GIPR: variants seen among roughly 807,000 people sequenced by gnomAD.
GIPR encodes gastric inhibitory polypeptide receptor.
GIPR carries 74 observed loss-of-function variants against 62.2 expected under a neutral mutation model. The ratio of observed to expected loss-of-function variants is 1.19; its 90% CI spans 0.99 to 1.44. The LOEUF (loss-of-function observed/expected upper bound fraction) is 1.44, where lower values mean the gene tolerates loss of function less well. GIPR is among the 40% of genes most tolerant of loss of function. The pLI is 0.00. For synonymous variants in GIPR, 256 were observed against 262.2 expected (o/e 0.98, Z 0.23); for missense variants, 664 against 611.8 (o/e 1.09, Z -0.90).
chr19:45,681,841 G>T lies in GIPR; in HGVS notation c.1307G>T (p.Gly436Val). 1 of 1,554,040 alleles carries T rather than the reference G, an allele frequency of 6.4e-7. No homozygotes were observed. Among genetic ancestry groups the T allele is most frequent in the Non-Finnish European group, 8.7e-7 (1 of 1,148,492 alleles). Residue 436 changes from glycine (G) to valine (V), a missense_variant, in exon 14 of 14, where the codon GGC becomes GTC. Gly to Val is a moderately radical substitution (Grantham distance 109). Coordinates refer to ENST00000590918, the MANE Select transcript of GIPR (RefSeq NM_000164.4). ...TTCCGGGCCCTGCCCTCCGGCTCCG[G>T]CCCGGGCGAGGTCCCCACCAGCCGC... ...RAFRALPSGS[G>V]PGEVPTSRGL... is the part of the protein sequence containing the mutation.
Position 45,682,163 on chromosome 19 carries a change from T to C in GIPR, c.*228T>C, listed in dbSNP as rs1289009212. The C allele has an allele frequency of 1.4e-5, 8 of 559,166 alleles. No individual in the cohort carries two copies. The highest frequency in any genetic ancestry group is 1.6e-5 in the Non-Finnish European group (5 of 317,198). 34.6% of individuals were successfully genotyped at this position (559,166 alleles called of 1,614,324 possible). ...AGGGAAGCGAGAAGGGGGCCTAGGG[T>C]GGTCTGGGAGGCGTCTCCAAGGAGG... On this transcript the variant is annotated 3_prime_UTR_variant, in exon 14 of 14. Transcript: ENST00000590918.
chr19:45,672,133 C>T (rs114454784), intron 4 of GIPR, among the ~76,000 whole-genome samples: 3,395 of 151,918 alleles, frequency 0.022, 144 homozygotes, highest in African/African-American at 0.077. Context: ...CCGCCTCAGC[C>T]TCCCAAATAG....
intron 12 of GIPR, 56 bp from the exon 13 acceptor site, chr19:45,681,548 G>A (rs893225989): frequency 6.8e-7 from 1 of 1,461,266 alleles, no homozygotes; most frequent in Non-Finnish European, 9.6e-7. Context: ...GAGGCGCGGA[G>A]GCGGTTACAG....
rs1485227276 is a variant in GIPR at position 45,678,505 on chromosome 19, A to C, written c.1152+279A>C. The C allele has an allele frequency of 6.0e-6, 3 of 498,238 alleles. No individual in the cohort carries two copies. In the East Asian group the frequency reaches 1.1e-4, roughly 19 times the overall value. 30.9% of individuals were successfully genotyped at this position (498,238 alleles called of 1,614,324 possible). On this transcript the variant is annotated intron_variant, in intron 12 of 13. Coordinates refer to ENST00000590918, the MANE Select transcript of GIPR (RefSeq NM_000164.4). ...CAGCCTCTAGAGTAGCTGGGATTAC[A>C]GGAATGTGCGACAACACCTGGCTAA...
In GIPR at chr19:45,669,390, G is replaced by T. The variant is rs1975418823; in HGVS notation, c.-44-87G>T. 9 of 1,317,478 alleles carry T rather than the reference G, an allele frequency of 6.8e-6. No individual in the cohort carries two copies. In the South Asian group the frequency reaches 1.0e-4, roughly 15 times the overall value. The allele number at this position is 1,317,478 out of a possible 1,614,324, so 81.6% of individuals were successfully genotyped here. On this transcript the variant is annotated intron_variant, in intron 1 of 13. Transcript: ENST00000590918. ...CGTGTATACGGCTCCCCAGCCGTCT[G>T]CCCCTGTGTGTGAATCCCTGAGGCG...
In GIPR at chr19:45,677,743, G is replaced by T. The variant is rs1967026576; in HGVS notation, c.888G>T (p.Trp296Cys). ...CWERNEVKAI[W>C]WIIRTPILMT... ...AGCGCAACGAAGTCAAGGCCATTTG[G>T]TGGATTATACGGACCCCCATCCTCA... Residue 296 changes from tryptophan (W) to cysteine (C), a missense_variant, in exon 10 of 14, where the codon TGG (tryptophan) becomes TGT (cysteine). Trp to Cys is a radical substitution (Grantham distance 215, BLOSUM62 -2). Coordinates refer to ENST00000590918, the MANE Select transcript of GIPR (RefSeq NM_000164.4). 6.2e-7 allele frequency: 1 copy of T among 1,613,742 alleles called. No individual in the cohort carries two copies.
Position 45,677,021 on chromosome 19 carries a change from G to T in GIPR, c.706G>T (p.Val236Leu). 2.5e-6 allele frequency: 4 copies of T among 1,614,108 alleles called. No individual in the cohort carries two copies. The highest frequency in any genetic ancestry group is 3.4e-6 in the Non-Finnish European group (4 of 1,179,978). The change falls in exon 8 of 14, where the codon GTG becomes TTG. Residue 236 changes from valine (V) to leucine (L), a missense_variant. Val to Leu is a conservative substitution (Grantham distance 32). Transcript: ENST00000590918. ...CVGANYTWLL[V>L]EGVYLHSLLV... ...GGGTGCCAACTACACGTGGCTGCTG[G>T]TGGAGGGCGTCTACCTGCACAGTCT...
chr19:45,677,117 C>T lies in GIPR; in HGVS notation c.793+9C>T, dbSNP rs1469513659. ...CCTGCTCCTCGGCTGGGGTGAGCTC[C>T]GATCCCGTCCCCCGCCCAACCCAGC... On this transcript the variant is annotated intron_variant, in intron 8 of 13. Transcript: ENST00000590918. The T allele has an allele frequency of 6.2e-7, 1 of 1,612,526 alleles. No homozygotes were observed. Among genetic ancestry groups the T allele is most frequent in the East Asian group, 2.2e-5 (1 of 44,872 alleles).
At chr19:45,670,861 T>G in intron 3 of GIPR, 127 bp downstream of exon 3, 1 of 635,532 alleles carries the variant, frequency 1.6e-6, no homozygotes. Flanking sequence ...GCCCGGGGAC[T>G]GACCTGAGCA....
chr19:45,678,717 G>A (rs1005636483), intron 12 of GIPR, among the ~76,000 whole-genome samples: 1 of 152,238 alleles, frequency 6.6e-6, no homozygotes, highest in Non-Finnish European at 1.5e-5. Flanking sequence ...GCTGTGGGGA[G>A]CAGCAGGGAC....
Position 45,682,018 on chromosome 19 carries a change from G to A in GIPR, c.*83G>A, listed in dbSNP as rs140790109. 8.6e-5 allele frequency: 103 copies of A among 1,199,216 alleles called. No individual in the cohort carries two copies. In the Admixed American group the frequency reaches 2.0e-3, roughly 23 times the overall value. The allele number at this position is 1,199,216 out of a possible 1,614,324, so 74.3% of individuals were successfully genotyped here. ...GCCAGGCCCAGTACGGAGGACGCTG[G>A]GGAAATGGTGAAGGAAACAGAAAAA... is the stretch of plus-strand genomic sequence containing the variant. On this transcript the variant is annotated 3_prime_UTR_variant, in exon 14 of 14. Transcript: ENST00000590918.
At chr19:45,668,968 T>C (rs1975396634) in intron 1 of GIPR, among the ~76,000 whole-genome samples, 1 of 152,044 alleles carries the variant, frequency 6.6e-6, no homozygotes, top group Non-Finnish European at 1.5e-5. Context: ...CGTTTCAAGT[T>C]CTCCACCAGG....
rs201605024 is a variant in GIPR at position 45,674,191 on chromosome 19, C to T, written c.488+14C>T. The T allele has an allele frequency of 4.0e-5, 62 of 1,540,248 alleles. No homozygotes were observed. The African/African-American group carries it at 7.9e-4, about 20-fold the overall frequency. ...GAGTTTGTTCAGGTGGGACCTTAAC[C>T]CTGAGTGGTGGCGGCAGAGATGTGA... On this transcript the variant is annotated intron_variant, in intron 6 of 13. Coordinates refer to ENST00000590918, the MANE Select transcript of GIPR (RefSeq NM_000164.4).
At position 45,677,303 on chromosome 19, in the gene GIPR, C is replaced by CGGGGGGGGGGGGG; in HGVS notation, c.794-16_794-15insGGGGGGGGGGGGG. 1 of 810,284 alleles carries CGGGGGGGGGGGGG rather than the reference C, an allele frequency of 1.2e-6. No homozygotes were observed. The highest frequency in any genetic ancestry group is 1.8e-6 in the Non-Finnish European group (1 of 550,586). The allele number at this position is 810,284 out of a possible 1,614,324, so 50.2% of individuals were successfully genotyped here. A position where few individuals can be genotyped will look rare whatever the true frequency, so the allele number is the denominator to read the frequency against. ...TGACAGCTGCGGCGGGGTGGGGGGG[C>CGGGGGGGGGGGGG]GGGGTCGGGGTCTGCACAGGGGCCC... On this transcript the variant is annotated intron_variant, in intron 8 of 13. Transcript: ENST00000590918.
At position 45,669,517 on chromosome 19, in the gene GIPR, C is replaced by A; in HGVS notation, c.-4C>A. ...CACGAACCAGACCCTTCGCCGCCCTCACGATGACTACCTCTCCGATCCTGC... is the reference window on the plus strand; with the variant it reads ...CACGAACCAGACCCTTCGCCGCCCTAACGATGACTACCTCTCCGATCCTGC... On this transcript the variant is annotated 5_prime_UTR_variant, in exon 2 of 14. Coordinates refer to ENST00000590918, the MANE Select transcript of GIPR (RefSeq NM_000164.4). 1 of 1,572,882 alleles carries A rather than the reference C, an allele frequency of 6.4e-7. No homozygotes were observed.
chr19:45,668,950 C>G (rs1464904390), intron 1 of GIPR, among the ~76,000 whole-genome samples: 2 of 152,146 alleles, frequency 1.3e-5, no homozygotes, highest in Non-Finnish European at 2.9e-5. Context: ...AGTGGGAGCT[C>G]GGATGGGCGT....
rs780482234 is a variant in GIPR, at chr19:45,677,729, G to A, written c.874G>A (p.Val292Ile). ...CCCCAGGTGCTGGGAGCGCAACGAA[G>A]TCAAGGCCATTTGGTGGATTATACG... ...ENTQCWERNE[V>I]KAIWWIIRTP... The change falls in exon 10 of 14, where the codon GTC becomes ATC. Residue 292 changes from valine to isoleucine, a missense_variant. Val to Ile is a conservative substitution (Grantham distance 29). Coordinates refer to ENST00000590918, the MANE Select transcript of GIPR (RefSeq NM_000164.4). 3.7e-6 allele frequency: 6 copies of A among 1,613,542 alleles called. No homozygotes were observed. The African/African-American group carries it at 8.0e-5, about 22-fold the overall frequency.
chr19:45,674,212 TGTGAG>T, intron 6 of GIPR, 35 bp downstream of exon 6: 1 of 1,350,308 alleles, frequency 7.4e-7, no homozygotes, highest in Non-Finnish European at 1.1e-6. Context: ...GCGGCAGAGA[TGTGAG>T]CTCGGCCTCA....
chr19:45,677,409 C>T, intron 9 of GIPR, 26 bp downstream of exon 9: 1 of 645,640 alleles, frequency 1.5e-6, no homozygotes, highest in Non-Finnish European at 2.8e-6. Context: ...TGGGGCGGGG[C>T]GTGGGAGGTG....
Sources: gnomAD v4.1 joint callset for allele counts (sites outside exome capture counted in the v4.1 genomes callset) on GRCh38, gnomAD v4.1.1 for gene constraint, MANE v1.5 for transcripts, NCBI Gene and HGNC (gene_info 2026-07-23, HGNC 2026-07-21) for gene names.